AHI1: variants seen among roughly 807,000 people sequenced by gnomAD.
AHI1 encodes Abelson helper integration site 1.
AHI1 carries 123 observed loss-of-function variants against 149.3 expected under a neutral mutation model. The ratio of observed to expected loss-of-function variants is 0.82; its 90% CI spans 0.71 to 0.96. AHI1 has a LOEUF of 0.96. AHI1 is among the 40% of genes least tolerant of loss of function. AHI1 has a pLI of 0.00. For missense variants in AHI1, 1,439 were observed against 1,422.7 expected (o/e 1.01, Z -0.18); for synonymous variants, 475 against 459.8 (o/e 1.03, Z -0.42).
intron 21 of AHI1, among the ~76,000 whole-genome samples, chr6:135,406,218 C>A (rs1319093801): frequency 6.6e-6 from 1 of 152,146 alleles, no homozygotes. Context: ...GTTTTTAGAT[C>A]CAGAAATTTG....
chr6:135,325,486 G>A (rs1209652202), intron 24 of AHI1, among the ~76,000 whole-genome samples: 2 of 152,168 alleles, frequency 1.3e-5, no homozygotes, highest in Non-Finnish European at 2.9e-5. Flanking sequence ...CCATGTTCTC[G>A]ATACCATGCT....
chr6:135,433,403 A>G (rs575602204), intron 15 of AHI1, 147 bp from the exon 16 acceptor site: 3 of 601,030 alleles, frequency 5.0e-6, no homozygotes, highest in East Asian at 5.5e-5. Context: ...AATGAAAAAT[A>G]TAATGATGAT....
chr6:135,339,836 T>C (rs1343199185), intron 24 of AHI1, among the ~76,000 whole-genome samples: 1 of 151,994 alleles, frequency 6.6e-6, no homozygotes, highest in Non-Finnish European at 1.5e-5. Context: ...GTAGAATAGA[T>C]TAAAAAAGAT....
intron 14 of AHI1, among the ~76,000 whole-genome samples, chr6:135,439,939 C>CA (rs1476926646): frequency 6.6e-6 from 1 of 152,088 alleles, no homozygotes; most frequent in Non-Finnish European, 1.5e-5. Context: ...AGAACACTGG[C>CA]AAAAACTGGC....
rs375281757 is a variant in AHI1, at chr6:135,323,302, G to C, written c.3188C>G (p.Thr1063Arg). The change falls in exon 25 of 29, where the codon ACA becomes AGA. Residue 1063 changes from threonine (T) to arginine (R), a missense_variant. Thr to Arg is a moderately conservative substitution (Grantham distance 71). Transcript: ENST00000265602. ...GGTTAGTTCATCTGATCGATTCGCT[G>C]TGTAGTCATAAAGAGCCACTACCTA... is the stretch of plus-strand genomic sequence containing the variant. The part of the protein sequence containing the change: ...APTVVALYDY[T>R]ANRSDELTIH... The C allele has an allele frequency of 6.2e-7, 1 of 1,613,544 alleles. No individual in the cohort carries two copies. Among genetic ancestry groups the C allele is most frequent in the African/African-American group, 1.3e-5 (1 of 75,040 alleles).
In AHI1 at chr6:135,368,564, G is replaced by T. The variant is rs1774544200; in HGVS notation, c.3110-10377C>A. Among the ~76,000 whole-genome samples, 4 of 152,282 alleles carry T rather than the reference G, an allele frequency of 2.6e-5. No homozygotes were observed. In the South Asian group the frequency reaches 8.3e-4, roughly 32 times the overall value. On this transcript the variant is annotated intron_variant, in intron 23 of 28. Coordinates refer to ENST00000265602, the MANE Select transcript of AHI1 (RefSeq NM_001134831.2). ...TGAACTCAGACTCTCTTTGGGCGGG[G>T]CTTGCTGCAACTGCTGTGTGGGATG...
intron 11 of AHI1, among the ~76,000 whole-genome samples, chr6:135,451,347 T>C (rs190414979): frequency 5.9e-5 from 9 of 152,302 alleles, no homozygotes; most frequent in Non-Finnish European, 1.2e-4. Context: ...CTATCATCAA[T>C]GATTAATTCC....
intron 25 of AHI1, 40 bp from the exon 26 acceptor site, chr6:135,318,656 AGCACTGCTCCATGGGG>A (rs1195080132): frequency 7.4e-7 from 1 of 1,349,200 alleles, no homozygotes; most frequent in Non-Finnish European, 1.0e-6. Context: ...CAAATTGAGG[AGCACTGCTCCATGGGG>A]GAAAAACAAC....
At chr6:135,426,749 C>T (rs1036781619) in intron 20 of AHI1, among the ~76,000 whole-genome samples, 2 of 151,514 alleles carry the variant, frequency 1.3e-5, no homozygotes, top group Non-Finnish European at 3.0e-5. Flanking sequence ...AGTGTAATTG[C>T]GGACACGAAA....
chr6:135,457,600 T>C lies in AHI1; in HGVS notation c.1045A>G (p.Ile349Val), dbSNP rs748804342. The change falls in exon 9 of 29, where the codon ATT becomes GTT. Residue 349 changes from isoleucine (I) to valine (V), a missense_variant. Physicochemically the swap from Ile to Val is conservative, Grantham distance 29. Transcript: ENST00000265602. ...LDDDLVLGVY[I>V]HRTDRLKSDF... ...GACTTAAGTCTATCAGTTCGGTGAA[T>C]GTAAACTCCCAAGACAAGGTCATCA... 1.9e-5 allele frequency: 31 copies of C among 1,613,896 alleles called. No homozygotes were observed. The Admixed American group carries it at 4.5e-4, about 23-fold the overall frequency.
chr6:135,480,850 T>C (rs1793508008), intron 5 of AHI1, among the ~76,000 whole-genome samples: 1 of 152,160 alleles, frequency 6.6e-6, no homozygotes, highest in South Asian at 2.1e-4. Context: ...GCAGCAGCAT[T>C]AGATTCTCAT....
At chr6:135,408,901 T>C (rs2128505615) in intron 21 of AHI1, among the ~76,000 whole-genome samples, 1 of 152,276 alleles carries the variant, frequency 6.6e-6, no homozygotes, top group Non-Finnish European at 1.5e-5. Flanking sequence ...AAAAATTTTC[T>C]AGGAATTTTC....
intron 23 of AHI1, among the ~76,000 whole-genome samples, chr6:135,372,519 AAAAAAAAAAAAG>A (rs1775223760): frequency 3.0e-5 from 1 of 33,056 alleles, no homozygotes; most frequent in Non-Finnish European, 7.7e-5. Context: ...AAAAAAAAAG[AAAAAAAAAAAAG>A]AAAAAAAAAA....
Position 135,460,787 on chromosome 6 carries a change from T to C in AHI1, c.931+2338A>G, listed in dbSNP as rs75838887. ...TGATCCACATGTAACACAGTCATGT[T>C]ATTTATGGGAAAAGTGACACTGCAA... is the stretch of plus-strand genomic sequence containing the variant. On this transcript the variant is annotated intron_variant, in intron 8 of 28. Transcript: ENST00000265602. Among the ~76,000 whole-genome samples, 530 of 152,324 alleles carry C rather than the reference T, an allele frequency of 3.5e-3. 5 individuals carry two copies. Among genetic ancestry groups the C allele is most frequent in the African/African-American group, 0.012 (509 of 41,568 alleles).
chr6:135,316,091 C>A (rs761172361), intron 26 of AHI1, among the ~76,000 whole-genome samples: 3 of 152,090 alleles, frequency 2.0e-5, no homozygotes, highest in Non-Finnish European at 4.4e-5. Flanking sequence ...TAAATGACTC[C>A]TGGATGGCAC....
In AHI1 at chr6:135,414,970, C is replaced by A. The variant is rs186279640; in HGVS notation, c.2765-3426G>T. 2.5e-5 allele frequency among the ~76,000 whole-genome samples: 3 copies of A among 117,778 alleles called. No homozygotes were observed. In the South Asian group the frequency reaches 1.1e-3, roughly 44 times the overall value. 77.3% of individuals were successfully genotyped at this position (117,778 alleles called of 152,430 possible). ...TAATGCTATCCCTCCCCCCTCCCCC[C>A]ACCCCACAACAGGCCCCAGAGTGTG... On this transcript the variant is annotated intron_variant, in intron 20 of 28. Coordinates refer to ENST00000265602, the MANE Select transcript of AHI1 (RefSeq NM_001134831.2).
chr6:135,411,404 T>C lies in AHI1; in HGVS notation c.2905A>G (p.Thr969Ala). The C allele has an allele frequency of 6.2e-7, 1 of 1,613,840 alleles. No homozygotes were observed. Among genetic ancestry groups the C allele is most frequent in the South Asian group, 1.1e-5 (1 of 91,074 alleles). The change falls in exon 21 of 29, where the codon ACT becomes GCT. Residue 969 changes from threonine to alanine, a missense_variant. Transcript: ENST00000265602. ...TGCATCTTCGTTGAAGAACTTTCAG[T>C]GTGGACAAATTCATCAATCTGAAAA... ...GSFQIDEFVHTESSSTKMQLV... is the reference protein window; with the variant it reads ...GSFQIDEFVHAESSSTKMQLV...
At chr6:135,372,743 C>A (rs1308976754) in intron 23 of AHI1, among the ~76,000 whole-genome samples, 2 of 152,136 alleles carry the variant, frequency 1.3e-5, no homozygotes, top group Non-Finnish European at 2.9e-5. Context: ...AGGAAGGAAA[C>A]AGTGGCTTTC....
intron 23 of AHI1, among the ~76,000 whole-genome samples, chr6:135,367,735 A>G (rs1303901782): frequency 4.0e-5 from 6 of 151,592 alleles, no homozygotes; most frequent in African/African-American, 1.5e-4. Context: ...GCTTCTCTGG[A>G]GATTTTTCCA....
Sources: allele counts gnomAD v4.1 joint callset (sites outside exome capture counted in the v4.1 genomes callset), GRCh38; gene constraint gnomAD v4.1.1; transcripts MANE v1.5; gene names NCBI Gene and HGNC (gene_info 2026-07-23, HGNC 2026-07-21).